The following POLB variants were observed in gnomAD, a reference collection of about 807,000 sequenced individuals.
POLB encodes 5'-dRP lyase.
Under a neutral mutation model 52.7 loss-of-function variants are expected in POLB, and 37 were observed. The ratio of observed to expected loss-of-function variants is 0.70; its 90% CI spans 0.54 to 0.92. POLB has a LOEUF of 0.92. Ranked by LOEUF, POLB falls within the 40% of genes least tolerant of loss-of-function variation. The pLI is 0.00. For synonymous variants in POLB, 138 were observed against 131.3 expected (o/e 1.05, Z -0.35); for missense variants, 313 against 400.8 (o/e 0.78, Z 1.87).
In POLB at chr8:42,347,686, TA is replaced by T. The variant is rs1215975151; in HGVS notation, c.187-1323del. 4.6e-5 allele frequency among the ~76,000 whole-genome samples: 7 copies of T among 152,190 alleles called. 1 individual carries two copies. Among genetic ancestry groups the T allele is most frequent in the Admixed American group, 1.3e-4 (2 of 15,282 alleles). ...TGTAAAGGGAAAAATAATTACCCTT[TA>T]AAAAAATATTGTGATACAGGAAATG... On this transcript the variant is annotated intron_variant, in intron 3 of 13. Coordinates refer to ENST00000265421, the MANE Select transcript of POLB (RefSeq NM_002690.3).
At chr8:42,350,273 T>G (rs573550853) in intron 5 of POLB, among the ~76,000 whole-genome samples, 50 of 152,236 alleles carry the variant, frequency 3.3e-4, no homozygotes, top group African/African-American at 1.0e-3. Context: ...AGATGTTACC[T>G]CCTTCATGAA....
intron 9 of POLB, among the ~76,000 whole-genome samples, chr8:42,360,158 T>C (rs1002616356): frequency 2.6e-5 from 4 of 151,516 alleles, no homozygotes; most frequent in African/African-American, 9.7e-5. Context: ...GGTTTCACCA[T>C]GTTGGCCAGG....
chr8:42,341,921 G>T, intron 2 of POLB: 1 of 661,952 alleles, frequency 1.5e-6, no homozygotes, highest in South Asian at 1.6e-5. Context: ...CTCTCCTATA[G>T]CAGCATGAGC....
At position 42,360,453 on chromosome 8, in the gene POLB, G is replaced by A. The variant is rs368008541; in HGVS notation, c.551-842G>A. Among the ~76,000 whole-genome samples, 13 of 152,176 alleles carry A rather than the reference G, an allele frequency of 8.5e-5. No individual in the cohort carries two copies. In the South Asian group the frequency reaches 2.1e-3, roughly 24 times the overall value. Reference sequence around the variant, plus strand: ...TGGATTCTTTTATGCTGTATACCAGGCACTATAGTGGATGCTTTTACATAT... The same window carrying A: ...TGGATTCTTTTATGCTGTATACCAGACACTATAGTGGATGCTTTTACATAT... On this transcript the variant is annotated intron_variant, in intron 9 of 13. Coordinates refer to ENST00000265421, the MANE Select transcript of POLB (RefSeq NM_002690.3).
chr8:42,361,224 T>C, intron 9 of POLB, 71 bp from the exon 10 acceptor site: 1 of 1,002,006 alleles, frequency 1.0e-6, no homozygotes, highest in Non-Finnish European at 1.6e-6. Flanking sequence ...CTGTGTGTCA[T>C]CAGCTTGGTT....
intron 6 of POLB, among the ~76,000 whole-genome samples, chr8:42,353,345 T>C (rs547810221): frequency 1.3e-5 from 2 of 151,938 alleles, no homozygotes; most frequent in African/African-American, 4.8e-5. Flanking sequence ...TCTGACCTTG[T>C]GATCTGCCCA....
At position 42,364,014 on chromosome 8, in the gene POLB, C is replaced by T. The variant is rs1585913889; in HGVS notation, c.708+1316C>T. Among the ~76,000 whole-genome samples the T allele has an allele frequency of 2.0e-5, 3 of 150,776 alleles. No individual in the cohort carries two copies. The East Asian group carries it at 5.9e-4, about 29-fold the overall frequency. Reference sequence around the variant, plus strand: ...CGATCTCGGCTCACTGTAACCTCCACCTCCCGGGTTCAAGCAGTTCTCCTG... The same window carrying T: ...CGATCTCGGCTCACTGTAACCTCCATCTCCCGGGTTCAAGCAGTTCTCCTG... On this transcript the variant is annotated intron_variant, in intron 11 of 13. Coordinates refer to ENST00000265421, the MANE Select transcript of POLB (RefSeq NM_002690.3).
At chr8:42,358,160 C>A (rs1023029488) in intron 9 of POLB, among the ~76,000 whole-genome samples, 3 of 152,122 alleles carry the variant, frequency 2.0e-5, no homozygotes, top group African/African-American at 7.2e-5. Context: ...CCATATAATC[C>A]TGGTGTCTTA....
intron 9 of POLB, chr8:42,357,683 G>T: frequency 3.4e-6 from 1 of 291,202 alleles, no homozygotes; most frequent in Non-Finnish European, 6.3e-6. Flanking sequence ...TTGGCTGGAT[G>T]ATAGTGAAGT....
At chr8:42,340,413 G>A (rs184490069) in intron 2 of POLB, among the ~76,000 whole-genome samples, 3 of 152,352 alleles carry the variant, frequency 2.0e-5, no homozygotes, top group Non-Finnish European at 2.9e-5. Flanking sequence ...TGCGTAAGGT[G>A]TGTGAGAAAT....
intron 2 of POLB, among the ~76,000 whole-genome samples, chr8:42,341,535 C>T (rs1210644795): frequency 2.6e-5 from 4 of 152,214 alleles, no homozygotes; most frequent in Non-Finnish European, 5.9e-5. Context: ...TGTCACTTCT[C>T]ATCAGCATCA....
chr8:42,357,027 C>T (rs1823356606), intron 7 of POLB, 142 bp from the exon 8 acceptor site: 2 of 588,958 alleles, frequency 3.4e-6, no homozygotes, highest in Non-Finnish European at 3.0e-6. Flanking sequence ...TTGCTGTTGT[C>T]ATCTCAGTGA....
At chr8:42,357,854 G>T (rs1173264449) in intron 9 of POLB, 1 of 153,186 alleles carries the variant, frequency 6.5e-6, no homozygotes, top group Non-Finnish European at 1.4e-5. Context: ...AGCCTCCTGA[G>T]TAGCTGGGAC....
At chr8:42,360,142 A>G (rs62508033) in intron 9 of POLB, among the ~76,000 whole-genome samples, 1 of 150,098 alleles carries the variant, frequency 6.7e-6, no homozygotes, top group Non-Finnish European at 1.5e-5. Context: ...TTTTTAGTAG[A>G]AAAGGGGTTT....
chr8:42,368,192 T>G (rs1264693707), intron 11 of POLB, among the ~76,000 whole-genome samples: 1 of 152,222 alleles, frequency 6.6e-6, no homozygotes, highest in South Asian at 2.1e-4. Context: ...CCCTGTGGTA[T>G]CTAGACATCC....
chr8:42,338,865 G>A, intron 1 of POLB, 147 bp from the exon 2 acceptor site: 1 of 916,892 alleles, frequency 1.1e-6, no homozygotes, highest in Non-Finnish European at 1.8e-6. Flanking sequence ...GCTACACCTG[G>A]GCCATCGCTT....
intron 3 of POLB, among the ~76,000 whole-genome samples, chr8:42,347,147 G>T (rs1042258574): frequency 4.6e-5 from 7 of 151,802 alleles, no homozygotes; most frequent in Non-Finnish European, 8.8e-5. Flanking sequence ...GAATACAAAG[G>T]TATCCAAAAT....
At chr8:42,354,188 C>T (rs941022772) in intron 6 of POLB, among the ~76,000 whole-genome samples, 11 of 152,014 alleles carry the variant, frequency 7.2e-5, no homozygotes, top group African/African-American at 2.7e-4. Flanking sequence ...ATATCTATAA[C>T]TATATCTGTC....
rs745926253 is a variant in POLB at position 42,355,546 on chromosome 8, A to G, written c.401A>G (p.His134Arg). 1 of 1,595,838 alleles carries G rather than the reference A, an allele frequency of 6.3e-7. No homozygotes were observed. Among genetic ancestry groups the G allele is most frequent in the East Asian group, 2.2e-5 (1 of 44,768 alleles). ...DLRKNEDKLN[H>R]HQRIGLKYFG... ...AGAAAAAATGAAGATAAATTGAACCATCATCAGCGAATTGGGCTGAAGTAA... is the reference window on the plus strand; with the variant it reads ...AGAAAAAATGAAGATAAATTGAACCGTCATCAGCGAATTGGGCTGAAGTAA... Residue 134 changes from histidine to arginine, a missense_variant, in exon 7 of 14, where the codon CAT becomes CGT. Physicochemically the swap from His to Arg is conservative, Grantham distance 29. Around this residue, in one of 3 missense-constraint regions of POLB, gnomAD observed 246 missense variants for 297.6 expected, o/e 0.83. Transcript: ENST00000265421.
Sources: allele counts gnomAD v4.1 joint callset (sites outside exome capture counted in the v4.1 genomes callset), GRCh38; gene constraint gnomAD v4.1.1; regional missense constraint gnomAD v4.1.1; transcripts MANE v1.5; gene names NCBI Gene and HGNC (gene_info 2026-07-23, HGNC 2026-07-21).